Variants in PTPRN2 observed in about 807,000 individuals in gnomAD.
PTPRN2 encodes protein tyrosine phosphatase receptor type N2, also known as receptor-type tyrosine-protein phosphatase N2.
A neutral mutation model predicts 118.8 loss-of-function variants in PTPRN2; 74 were observed. The ratio of observed to expected loss-of-function variants is 0.62; its 90% CI spans 0.52 to 0.76. PTPRN2 has a LOEUF of 0.76. Ranked by LOEUF, PTPRN2 falls within the 30% of genes least tolerant of loss-of-function variation. PTPRN2 has a pLI of 0.00. For missense variants in PTPRN2, 1,481 were observed against 1,394.4 expected (o/e 1.06, Z -0.99); for synonymous variants, 641 against 608.0 (o/e 1.05, Z -0.80).
At chr7:158,055,794 A>G (rs1385061217) in intron 11 of PTPRN2, among the ~76,000 whole-genome samples, 1 of 152,276 alleles carries the variant, frequency 6.6e-6, no homozygotes, top group East Asian at 1.9e-4. Flanking sequence ...TCCAATAAAT[A>G]TCAGCGCAGC....
intron 17 of PTPRN2, among the ~76,000 whole-genome samples, chr7:157,586,059 A>C (rs1692319813): frequency 6.6e-6 from 1 of 152,232 alleles, no homozygotes; most frequent in African/African-American, 2.4e-5. Context: ...GAATTTATGA[A>C]TAGAAAAAAA....
chr7:157,576,865 G>T (rs982931165), intron 18 of PTPRN2, 86 bp from the exon 19 acceptor site: 3 of 1,351,234 alleles, frequency 2.2e-6, no homozygotes, highest in African/African-American at 1.5e-5. Flanking sequence ...CCAGGGCCAC[G>T]TCTGACCAGA....
chr7:158,329,362 C>T (rs1366680972), intron 2 of PTPRN2, among the ~76,000 whole-genome samples: 1 of 152,186 alleles, frequency 6.6e-6, no homozygotes, highest in Non-Finnish European at 1.5e-5. Flanking sequence ...ATGCCTTAAA[C>T]CCCCACCCCA....
intron 17 of PTPRN2, among the ~76,000 whole-genome samples, chr7:157,579,447 T>C (rs1428928112): frequency 6.6e-6 from 1 of 152,222 alleles, no homozygotes; most frequent in Non-Finnish European, 1.5e-5. Flanking sequence ...CACATAACAA[T>C]TTAATGTGCC....
At chr7:157,945,183 G>A (rs1344086260) in intron 11 of PTPRN2, among the ~76,000 whole-genome samples, 1 of 152,120 alleles carries the variant, frequency 6.6e-6, no homozygotes, top group African/African-American at 2.4e-5. Flanking sequence ...GGTGTTCAGG[G>A]CTGACTCCTC....
chr7:157,864,680 G>A (rs745812682), intron 12 of PTPRN2: 7 of 152,268 alleles, frequency 4.6e-5, no homozygotes, highest in South Asian at 2.1e-4. Context: ...GCAGCCTGGC[G>A]GCCAGGAACC....
intron 21 of PTPRN2, among the ~76,000 whole-genome samples, chr7:157,566,910 T>C (rs1799514385): frequency 6.6e-6 from 1 of 152,242 alleles, no homozygotes; most frequent in Non-Finnish European, 1.5e-5. Flanking sequence ...TTCTGGTCCC[T>C]GGATGGGCAG....
At chr7:157,656,194 T>C (rs772985636) in intron 14 of PTPRN2, among the ~76,000 whole-genome samples, 163 bp downstream of exon 14, 3 of 151,528 alleles carry the variant, frequency 2.0e-5, no homozygotes, top group Non-Finnish European at 4.4e-5. Flanking sequence ...TTAAGAAGAC[T>C]CCCTGCAGAA....
intron 1 of PTPRN2, among the ~76,000 whole-genome samples, chr7:158,545,483 G>A (rs1490363097): frequency 3.9e-5 from 6 of 152,166 alleles, no homozygotes; most frequent in African/African-American, 1.4e-4. Flanking sequence ...CAGGATGGAT[G>A]TGGGTCACTT....
intron 12 of PTPRN2, among the ~76,000 whole-genome samples, chr7:157,749,326 A>G (rs1801282028): frequency 7.4e-6 from 1 of 134,406 alleles, no homozygotes; most frequent in African/African-American, 3.0e-5. Context: ...TGTCTGGGTG[A>G]TTCTGAGGCC....
In PTPRN2 at chr7:157,763,443, G is replaced by C. The variant is rs1050496251; in HGVS notation, c.1789-80506C>G. ...AGGCACAGGTTGGCGGTGGCCCTGA[G>C]CCAGGCTGGTGTGGCCTCGAGTCCC... On this transcript the variant is annotated intron_variant, in intron 12 of 22. Transcript: ENST00000389418. The surrounding 1 kb of genome is among the most constrained non-coding windows in gnomAD (Gnocchi z 4.9). 6.6e-6 allele frequency among the ~76,000 whole-genome samples: 1 copy of C among 152,116 alleles called. No homozygotes were observed. Among genetic ancestry groups the C allele is most frequent in the Non-Finnish European group, 1.5e-5 (1 of 68,020 alleles).
rs1339431966 is a variant in PTPRN2 at position 157,729,906 on chromosome 7, A to T, written c.1789-46969T>A. The stretch of plus-strand genomic sequence containing the variant: ...TAAACCTGATCCACGTGTGTCTGTG[A>T]GTGTGACTCGGAGGAGTCCAGCATT... On this transcript the variant is annotated intron_variant, in intron 12 of 22. Coordinates refer to ENST00000389418, the MANE Select transcript of PTPRN2 (RefSeq NM_002847.5). This position sits in a 1 kb window ranked among gnomAD's most constrained non-coding sequence, Gnocchi z 4.3. Among the ~76,000 whole-genome samples the T allele has an allele frequency of 6.6e-6, 1 of 152,142 alleles. No individual in the cohort carries two copies. The highest frequency in any genetic ancestry group is 1.5e-5 in the Non-Finnish European group (1 of 68,018).
At chr7:158,082,002 T>A (rs1307295636) in intron 10 of PTPRN2, among the ~76,000 whole-genome samples, 1 of 152,146 alleles carries the variant, frequency 6.6e-6, no homozygotes, top group Non-Finnish European at 1.5e-5. Flanking sequence ...CCTACAGCCA[T>A]CTCAAAATGA....
Position 157,845,665 on chromosome 7 carries a change from C to A in PTPRN2, c.1788+53008G>T, listed in dbSNP as rs1253609262. ...TAACCCACTGTGCGGCACAGAACCT[C>A]CCCGCGGGGCAGGTGGGTGCACAGG... On this transcript the variant is annotated intron_variant, in intron 12 of 22. Transcript: ENST00000389418. The surrounding 1 kb of genome is among the most constrained non-coding windows in gnomAD (Gnocchi z 4.5). 6.6e-6 allele frequency among the ~76,000 whole-genome samples: 1 copy of A among 152,194 alleles called. No homozygotes were observed.
At chr7:158,308,471 T>C (rs1190960385) in intron 3 of PTPRN2, among the ~76,000 whole-genome samples, 2 of 152,216 alleles carry the variant, frequency 1.3e-5, no homozygotes, top group Non-Finnish European at 2.9e-5. Context: ...TATTTGAGTA[T>C]GTAACATTTA....
chr7:157,753,336 C>T (rs1288138805), intron 12 of PTPRN2, among the ~76,000 whole-genome samples: 1 of 152,182 alleles, frequency 6.6e-6, no homozygotes, highest in African/African-American at 2.4e-5. Flanking sequence ...TCCCACAGAC[C>T]CTTCATCGGG....
intron 12 of PTPRN2, among the ~76,000 whole-genome samples, chr7:157,806,130 T>C (rs1056503934): frequency 1.3e-5 from 2 of 152,182 alleles, no homozygotes; most frequent in African/African-American, 4.8e-5. Context: ...CCATTCCTTA[T>C]CTGAAGTGAT....
At chr7:157,586,504 A>G (rs1344144893) in intron 17 of PTPRN2, among the ~76,000 whole-genome samples, 1 of 152,218 alleles carries the variant, frequency 6.6e-6, no homozygotes, top group Non-Finnish European at 1.5e-5. Flanking sequence ...AAGGACCCAG[A>G]GCAGACACCG....
At chr7:158,478,228 G>A (rs984403244) in intron 2 of PTPRN2, among the ~76,000 whole-genome samples, 4 of 152,326 alleles carry the variant, frequency 2.6e-5, no homozygotes, top group East Asian at 1.9e-4. Flanking sequence ...CTGGTCCCCA[G>A]GACCCAAACT....
Sources: gnomAD v4.1 joint callset for allele counts (sites outside exome capture counted in the v4.1 genomes callset) on GRCh38, gnomAD v4.1.1 for gene constraint, Gnocchi (gnomAD v3.1) non-coding constraint, MANE v1.5 for transcripts, NCBI Gene and HGNC (gene_info 2026-07-23, HGNC 2026-07-21) for gene names.